The following ATXN7L1 variants were observed in gnomAD, a reference collection of about 807,000 sequenced individuals.
ATXN7L1 encodes ataxin 7 like 1.
In ATXN7L1, 15 loss-of-function variants were observed where a neutral mutation model predicts 70.8. That is an observed-to-expected ratio of 0.21 (90% CI 0.14 to 0.33). The LOEUF (loss-of-function observed/expected upper bound fraction) is 0.33, where lower values mean the gene tolerates loss of function less well. Ranked by LOEUF, ATXN7L1 falls within the 10% of genes least tolerant of loss-of-function variation. The probability of loss-of-function intolerance (pLI) is 1.00; values close to 1 mark genes in which losing one functional copy is unlikely to be tolerated. For synonymous variants in ATXN7L1, 440 were observed against 445.1 expected (o/e 0.99, Z 0.14); for missense variants, 975 against 1,097.1 (o/e 0.89, Z 1.57).
intron 2 of ATXN7L1, among the ~76,000 whole-genome samples, chr7:105,794,465 C>T (rs1368217200): frequency 6.6e-6 from 1 of 152,208 alleles, no homozygotes; most frequent in Non-Finnish European, 1.5e-5. Context: ...GGACTTCTTC[C>T]CGCAGAGAGC....
At chr7:105,757,927 G>A (rs1322019047) in intron 3 of ATXN7L1, among the ~76,000 whole-genome samples, 1 of 152,134 alleles carries the variant, frequency 6.6e-6, no homozygotes, top group East Asian at 1.9e-4. Context: ...AATTTACCCT[G>A]CCTGGGCCCT....
At chr7:105,649,053 A>C (rs1301200137) in intron 4 of ATXN7L1, among the ~76,000 whole-genome samples, 2 of 152,194 alleles carry the variant, frequency 1.3e-5, no homozygotes, top group African/African-American at 4.8e-5. Context: ...GCTTAGCCAA[A>C]GCCCTTCAAA....
Position 105,605,482 on chromosome 7 carries a change from G to C in ATXN7L1, c.*2370C>G, listed in dbSNP as rs1018387270. The C allele has an allele frequency of 1.0e-5, 1 of 98,554 alleles. No individual in the cohort carries two copies. Among genetic ancestry groups the C allele is most frequent in the Non-Finnish European group, 2.2e-5 (1 of 46,048 alleles). The allele number at this position is 98,554 out of a possible 1,614,324, so 6.1% of individuals were successfully genotyped here. ...AGCAGCATTCGATGAGGGTGGGGGG[G>C]GGGGTGGGGGCTCTTTATTCCAGCT... On this transcript the variant is annotated 3_prime_UTR_variant, in exon 12 of 12. Coordinates refer to ENST00000419735, the MANE Select transcript of ATXN7L1 (RefSeq NM_020725.2).
intron 3 of ATXN7L1, among the ~76,000 whole-genome samples, chr7:105,672,561 G>A (rs1477522767): frequency 6.6e-6 from 1 of 152,142 alleles, no homozygotes; most frequent in Non-Finnish European, 1.5e-5. Context: ...TTATTTCCTT[G>A]AGGTATAATT....
chr7:105,646,428 T>G (rs1335787381), intron 4 of ATXN7L1, among the ~76,000 whole-genome samples: 1 of 152,036 alleles, frequency 6.6e-6, no homozygotes, highest in Admixed American at 6.6e-5. Flanking sequence ...TTTTTTGTTT[T>G]GTTTTGTTTT....
chr7:105,626,704 T>A (rs757191086), intron 7 of ATXN7L1, among the ~76,000 whole-genome samples: 1 of 152,188 alleles, frequency 6.6e-6, no homozygotes, highest in Non-Finnish European at 1.5e-5. Context: ...AACACTATTG[T>A]CTGCTTACCG....
At chr7:105,689,828 C>T (rs926485333) in intron 3 of ATXN7L1, among the ~76,000 whole-genome samples, 1 of 152,198 alleles carries the variant, frequency 6.6e-6, no homozygotes, top group African/African-American at 2.4e-5. Flanking sequence ...TCTCAGCTCC[C>T]CTGTATGAGC....
At chr7:105,772,794 CAA>C (rs1802193472) in intron 3 of ATXN7L1, among the ~76,000 whole-genome samples, 2 of 152,240 alleles carry the variant, frequency 1.3e-5, no homozygotes, top group East Asian at 3.9e-4. Context: ...ATACTGTACA[CAA>C]GAGAGACATT....
At chr7:105,784,119 G>A (rs1680066429) in intron 3 of ATXN7L1, among the ~76,000 whole-genome samples, 1 of 152,082 alleles carries the variant, frequency 6.6e-6, no homozygotes. Context: ...ATGCCAACAT[G>A]CCTGGCTAAT....
At chr7:105,813,135 T>C (rs1808669038) in intron 2 of ATXN7L1, among the ~76,000 whole-genome samples, 1 of 152,178 alleles carries the variant, frequency 6.6e-6, no homozygotes, top group Non-Finnish European at 1.5e-5. Context: ...TTCATGTGGA[T>C]TCCATCTTTT....
chr7:105,703,528 T>C (rs1322844930), intron 3 of ATXN7L1, among the ~76,000 whole-genome samples: 1 of 152,216 alleles, frequency 6.6e-6, no homozygotes, highest in Non-Finnish European at 1.5e-5. Flanking sequence ...AAATGGGTTT[T>C]ATTGTTGAAA....
intron 3 of ATXN7L1, among the ~76,000 whole-genome samples, chr7:105,738,670 C>T (rs1797679668): frequency 6.6e-6 from 1 of 152,216 alleles, no homozygotes; most frequent in Non-Finnish European, 1.5e-5. Flanking sequence ...GATTTGAACC[C>T]ATGTAATCCG....
intron 3 of ATXN7L1, among the ~76,000 whole-genome samples, chr7:105,743,598 C>T (rs1389815237): frequency 1.3e-5 from 2 of 152,096 alleles, no homozygotes; most frequent in Non-Finnish European, 2.9e-5. Context: ...TTTAGAAGTC[C>T]GTGACTATGC....
intron 2 of ATXN7L1, among the ~76,000 whole-genome samples, chr7:105,830,344 C>T (rs1335020763): frequency 1.3e-5 from 2 of 152,252 alleles, no homozygotes; most frequent in African/African-American, 4.8e-5. Flanking sequence ...CAAACAACAA[C>T]ATCAACAACA....
At chr7:105,754,363 C>G (rs1173913247) in intron 3 of ATXN7L1, among the ~76,000 whole-genome samples, 1 of 151,924 alleles carries the variant, frequency 6.6e-6, no homozygotes, top group Admixed American at 6.6e-5. Flanking sequence ...TAGTCTGGTC[C>G]CTTGTTTATT....
chr7:105,846,388 G>A (rs2116620899), intron 2 of ATXN7L1, among the ~76,000 whole-genome samples: 1 of 152,194 alleles, frequency 6.6e-6, no homozygotes, highest in African/African-American at 2.4e-5. Flanking sequence ...GTAGTCATCA[G>A]GAAAATGCAA....
intron 3 of ATXN7L1, among the ~76,000 whole-genome samples, chr7:105,702,915 G>C (rs954841660): frequency 3.9e-5 from 6 of 152,102 alleles, no homozygotes; most frequent in African/African-American, 1.4e-4. Context: ...TCAGGAGATC[G>C]AGACCATCCT....
At chr7:105,862,873 G>A (rs538376449) in intron 2 of ATXN7L1, among the ~76,000 whole-genome samples, 1 of 152,258 alleles carries the variant, frequency 6.6e-6, no homozygotes, top group East Asian at 1.9e-4. Flanking sequence ...TGCATTCTGT[G>A]CCTTTCCCAG....
chr7:105,794,096 T>C (rs1365173103), intron 2 of ATXN7L1, among the ~76,000 whole-genome samples: 2 of 152,128 alleles, frequency 1.3e-5, no homozygotes, highest in Admixed American at 6.6e-5. Context: ...TTTACTCTAT[T>C]CTATTTCATT....
Sources: allele counts gnomAD v4.1 joint callset (sites outside exome capture counted in the v4.1 genomes callset), GRCh38; gene constraint gnomAD v4.1.1; transcripts MANE v1.5; gene names NCBI Gene and HGNC (gene_info 2026-07-23, HGNC 2026-07-21).